ANKRD55: variants seen among roughly 807,000 people sequenced by gnomAD.
ANKRD55 encodes ankyrin repeat domain 55, also known as ankyrin repeat domain-containing protein 55.
A neutral mutation model predicts 60.6 loss-of-function variants in ANKRD55; 41 were observed. That is an observed-to-expected ratio of 0.68 (90% CI 0.53 to 0.88). The LOEUF is 0.88. ANKRD55 is among the 40% of genes least tolerant of loss of function. The probability of loss-of-function intolerance (pLI) is 0.00; values close to 1 mark genes in which losing one functional copy is unlikely to be tolerated. For missense variants in ANKRD55, 732 were observed against 767.6 expected, an observed-to-expected ratio of 0.95 and a Z score of 0.55; for synonymous variants, 264 against 290.3, an observed-to-expected ratio of 0.91 and a Z score of 0.92.
chr5:56,119,452 G>A (rs958324385), intron 8 of ANKRD55, among the ~76,000 whole-genome samples: 5 of 152,278 alleles, frequency 3.3e-5, no homozygotes, highest in African/African-American at 1.2e-4. Flanking sequence ...TTGACTATAT[G>A]GAAGGACATG....
intron 7 of ANKRD55, among the ~76,000 whole-genome samples, chr5:56,141,803 A>G (rs1757777413): frequency 6.6e-6 from 1 of 152,148 alleles, no homozygotes; most frequent in African/African-American, 2.4e-5. Flanking sequence ...AAAATCAGGA[A>G]CCCTAATAAA....
At chr5:56,228,156 T>C (rs159067) in intron 2 of ANKRD55, among the ~76,000 whole-genome samples, 54,227 of 151,918 alleles carry the variant, frequency 0.36, 10,790 homozygotes, top group East Asian at 0.84. Flanking sequence ...AGAGTGACTA[T>C]GACCTTATAT....
At chr5:56,199,582 G>GT (rs34045949) in intron 2 of ANKRD55, among the ~76,000 whole-genome samples, 25,410 of 143,556 alleles carry the variant, frequency 0.18, 2,574 homozygotes, top group East Asian at 0.4. Context: ...CATGTTCAAA[G>GT]TTAAAAAAAA....
chr5:56,120,832 G>A (rs1362064699), intron 8 of ANKRD55, among the ~76,000 whole-genome samples: 2 of 150,632 alleles, frequency 1.3e-5, no homozygotes, highest in South Asian at 4.2e-4. Context: ...CTGGGAGGCA[G>A]AGGTTGCAGT....
chr5:56,222,946 A>G (rs1176987490), intron 2 of ANKRD55, among the ~76,000 whole-genome samples: 1 of 152,242 alleles, frequency 6.6e-6, no homozygotes, highest in Non-Finnish European at 1.5e-5. Flanking sequence ...ATTATCCAGG[A>G]GAACGTCCCC....
intron 10 of ANKRD55, 71 bp from the exon 11 acceptor site, chr5:56,102,657 A>G: frequency 9.5e-7 from 1 of 1,048,004 alleles, no homozygotes; most frequent in East Asian, 2.4e-5. Context: ...GCAATGGATA[A>G]GAGAATCATC....
chr5:56,218,510 C>T (rs146727721), intron 2 of ANKRD55, among the ~76,000 whole-genome samples: 132 of 152,230 alleles, frequency 8.7e-4, no homozygotes, highest in African/African-American at 2.9e-3. Context: ...CTCAGATGAT[C>T]GTTAGCTTTT....
chr5:56,112,624 T>C (rs904007804), intron 9 of ANKRD55, among the ~76,000 whole-genome samples: 1 of 150,766 alleles, frequency 6.6e-6, no homozygotes, highest in African/African-American at 2.4e-5. Flanking sequence ...CAATGCCCAA[T>C]GCGCAGGCAA....
chr5:56,231,643 C>CT (rs1169342675), intron 2 of ANKRD55, among the ~76,000 whole-genome samples: 1 of 147,668 alleles, frequency 6.8e-6, no homozygotes, highest in African/African-American at 2.5e-5. Context: ...CCGGCACGTT[C>CT]TGAAGGCGCG....
At chr5:56,192,955 C>T in intron 2 of ANKRD55, 1 of 687,786 alleles carries the variant, frequency 1.5e-6, no homozygotes, top group Non-Finnish European at 2.4e-6. Context: ...GATTGAAAAC[C>T]AAAGCAGGCA....
chr5:56,226,373 A>G (rs1274140737), intron 2 of ANKRD55, among the ~76,000 whole-genome samples: 1 of 152,240 alleles, frequency 6.6e-6, no homozygotes, highest in Non-Finnish European at 1.5e-5. Flanking sequence ...TAAAACCATA[A>G]AAACCCTAGA....
At chr5:56,172,234 A>C (rs77106813) in intron 4 of ANKRD55, among the ~76,000 whole-genome samples, 1 of 152,198 alleles carries the variant, frequency 6.6e-6, no homozygotes, top group East Asian at 1.9e-4. Flanking sequence ...ACAAAAATGC[A>C]TCAAAATTCA....
Position 56,116,798 on chromosome 5 carries a change from GA to G in ANKRD55, c.798-17del. The G allele has an allele frequency of 6.3e-7, 1 of 1,586,642 alleles. No homozygotes were observed. The highest frequency in any genetic ancestry group is 2.3e-5 in the East Asian group (1 of 43,886). ...CAGAGGTGTCCTGGAGGGGCCATGT[GA>G]AAAAAGCACAAGCGTCTGAGCATGT... is the stretch of plus-strand genomic sequence containing the variant. On this transcript the variant is annotated splice_polypyrimidine_tract_variant and intron_variant, in intron 8 of 11. Coordinates refer to ENST00000341048, the MANE Select transcript of ANKRD55 (RefSeq NM_024669.3).
Position 56,135,513 on chromosome 5 carries a change from G to A in ANKRD55, c.612+8288C>T, listed in dbSNP as rs564909855. Among the ~76,000 whole-genome samples, 7 of 151,856 alleles carry A rather than the reference G, an allele frequency of 4.6e-5. No homozygotes were observed. In the South Asian group the frequency reaches 1.5e-3, roughly 32 times the overall value. ...GCCTCCCGTGTAGCTGGGACTACAG[G>A]CATGTGCCACCACACCCTGCTAGTT... On this transcript the variant is annotated intron_variant, in intron 7 of 11. Coordinates refer to ENST00000341048, the MANE Select transcript of ANKRD55 (RefSeq NM_024669.3).
chr5:56,166,199 T>TTCTC (rs60941066), intron 5 of ANKRD55, among the ~76,000 whole-genome samples: 1,446 of 96,048 alleles, frequency 0.015, 122 homozygotes, highest in African/African-American at 0.044. Flanking sequence ...CCTTCCTTCC[T>TTCTC]TCTCTCTCTC....
chr5:56,135,252 T>C (rs373784681), intron 7 of ANKRD55, among the ~76,000 whole-genome samples: 4 of 87,052 alleles, frequency 4.6e-5, no homozygotes, highest in African/African-American at 1.2e-4. Flanking sequence ...CCTTCCTTCC[T>C]TCCTTCCTTC....
chr5:56,216,677 C>A (rs781407061), intron 2 of ANKRD55, among the ~76,000 whole-genome samples: 14 of 152,148 alleles, frequency 9.2e-5, no homozygotes, highest in Non-Finnish European at 1.8e-4. Context: ...CCAATCTAGC[C>A]GCCACATTTC....
At chr5:56,211,858 G>A (rs180683150) in intron 2 of ANKRD55, among the ~76,000 whole-genome samples, 4 of 152,210 alleles carry the variant, frequency 2.6e-5, no homozygotes, top group Admixed American at 1.3e-4. Flanking sequence ...ACAATTGGCT[G>A]GCTGTACAAC....
intron 2 of ANKRD55, among the ~76,000 whole-genome samples, chr5:56,215,065 T>C (rs775857416): frequency 6.6e-6 from 1 of 152,118 alleles, no homozygotes; most frequent in Non-Finnish European, 1.5e-5. Flanking sequence ...AAGAGCAAGA[T>C]GCCAAGGCTG....
Sources: allele counts gnomAD v4.1 joint callset (sites outside exome capture counted in the v4.1 genomes callset), GRCh38; gene constraint gnomAD v4.1.1; transcripts MANE v1.5; gene names NCBI Gene and HGNC (gene_info 2026-07-23, HGNC 2026-07-21).